Variants in SPIRE1 observed in about 807,000 individuals in gnomAD.
SPIRE1 encodes protein spire homolog 1.
SPIRE1 carries 40 observed loss-of-function variants against 94.1 expected under a neutral mutation model. That is an observed-to-expected ratio of 0.43 (90% confidence interval 0.33 to 0.55). The LOEUF (loss-of-function observed/expected upper bound fraction) is 0.55. Ranked by LOEUF, SPIRE1 falls within the 20% of genes least tolerant of loss-of-function variation. SPIRE1 has a pLI of 0.06. For synonymous variants in SPIRE1, 376 were observed against 371.7 expected (o/e 1.01, Z -0.13); for missense variants, 838 against 975.2 (o/e 0.86, Z 1.87).
chr18:12,499,058 T>C (rs2033564939), intron 6 of SPIRE1, among the ~76,000 whole-genome samples: 4 of 152,328 alleles, frequency 2.6e-5, no homozygotes, highest in African/African-American at 9.6e-5. Context: ...AGCCACTGTG[T>C]CTGGCCTTTT....
intron 4 of SPIRE1, among the ~76,000 whole-genome samples, chr18:12,519,690 ATTC>A (rs1386288334): frequency 1.3e-5 from 2 of 152,260 alleles, no homozygotes; most frequent in South Asian, 2.1e-4. Flanking sequence ...TTGACAAATG[ATTC>A]TTAAGTACAT....
chr18:12,577,232 C>T (rs866412499), intron 2 of SPIRE1, among the ~76,000 whole-genome samples: 2 of 141,420 alleles, frequency 1.4e-5, no homozygotes, highest in Non-Finnish European at 1.6e-5. Flanking sequence ...ACTGCAAGCT[C>T]CGCCTCCCAG....
chr18:12,472,367 C>CTTTTTTTT lies in SPIRE1; in HGVS notation c.1404+7324_1404+7331dup, dbSNP rs964687204. On this transcript the variant is annotated intron_variant, in intron 10 of 16. Coordinates refer to ENST00000409402, the MANE Select transcript of SPIRE1 (RefSeq NM_001128626.2). ...CATTATAGCGACACCATGCCCTGTG[C>CTTTTTTTT]TTTTTTTTTTTTTTTTTTGAGACAG... Among the ~76,000 whole-genome samples the CTTTTTTTT allele has an allele frequency of 2.2e-5, 3 of 135,026 alleles. 1 individual carries two copies. Among genetic ancestry groups the CTTTTTTTT allele is most frequent in the African/African-American group, 8.2e-5 (3 of 36,746 alleles). The allele number at this position is 135,026 out of a possible 152,430, so 88.6% of individuals were successfully genotyped here. A position where few individuals can be genotyped will look rare whatever the true frequency, so the allele number is the denominator to read the frequency against.
intron 1 of SPIRE1, among the ~76,000 whole-genome samples, chr18:12,644,958 G>A (rs952925134): frequency 2.0e-5 from 3 of 152,032 alleles, no homozygotes; most frequent in African/African-American, 7.2e-5. Context: ...GAAAGAGAGC[G>A]GCCGGGCACC....
intron 10 of SPIRE1, among the ~76,000 whole-genome samples, chr18:12,475,739 C>T (rs1598908236): frequency 6.6e-6 from 1 of 152,146 alleles, no homozygotes; most frequent in African/African-American, 2.4e-5. Flanking sequence ...ACATCTTTTC[C>T]AGTTTCATGC....
intron 2 of SPIRE1, among the ~76,000 whole-genome samples, chr18:12,574,352 G>C (rs1007802518): frequency 1.3e-5 from 2 of 152,204 alleles, no homozygotes; most frequent in African/African-American, 4.8e-5. Flanking sequence ...CTGCAGTAGA[G>C]TCAAATCTAG....
At chr18:12,621,666 T>C (rs930175249) in intron 2 of SPIRE1, among the ~76,000 whole-genome samples, 2 of 152,176 alleles carry the variant, frequency 1.3e-5, no homozygotes, top group African/African-American at 4.8e-5. Context: ...GGCAAATCTA[T>C]ACATATAGAA....
chr18:12,507,928 T>C (rs961244176), intron 5 of SPIRE1, among the ~76,000 whole-genome samples: 5 of 151,840 alleles, frequency 3.3e-5, no homozygotes, highest in Non-Finnish European at 5.9e-5. Flanking sequence ...GGACAGACCA[T>C]GAGGTCAGAA....
chr18:12,507,572 G>A (rs976444976), intron 5 of SPIRE1, among the ~76,000 whole-genome samples: 2 of 151,806 alleles, frequency 1.3e-5, no homozygotes, highest in Non-Finnish European at 2.9e-5. Context: ...GGTGGTGTGC[G>A]CCTGTAATTG....
At chr18:12,585,007 T>G (rs1217230951) in intron 2 of SPIRE1, among the ~76,000 whole-genome samples, 1 of 152,152 alleles carries the variant, frequency 6.6e-6, no homozygotes, top group Non-Finnish European at 1.5e-5. Flanking sequence ...GGTTTCACCA[T>G]GCTGTTCAGG....
intron 12 of SPIRE1, chr18:12,459,721 G>A: frequency 1.0e-6 from 1 of 982,694 alleles, no homozygotes; most frequent in Non-Finnish European, 1.2e-6. Flanking sequence ...TACAGAGAAT[G>A]AAATAATCCC....
At chr18:12,459,841 G>C (rs2031697414) in intron 12 of SPIRE1, 1 of 985,858 alleles carries the variant, frequency 1.0e-6, no homozygotes, top group Non-Finnish European at 1.2e-6. Flanking sequence ...GCTTCAAAAG[G>C]ATGAGAGCTG....
intron 2 of SPIRE1, among the ~76,000 whole-genome samples, chr18:12,588,028 C>T (rs1328115033): frequency 6.6e-6 from 1 of 152,176 alleles, no homozygotes; most frequent in Non-Finnish European, 1.5e-5. Context: ...AACCACTAAT[C>T]TACTTCCTAG....
intron 1 of SPIRE1, among the ~76,000 whole-genome samples, chr18:12,647,879 G>A (rs2038265566): frequency 6.6e-6 from 1 of 152,172 alleles, no homozygotes; most frequent in African/African-American, 2.4e-5. Flanking sequence ...CTCTAGGGCT[G>A]GGGCAGGAAA....
chr18:12,641,832 CTTTTT>C (rs576748359), intron 1 of SPIRE1, among the ~76,000 whole-genome samples: 2 of 125,132 alleles, frequency 1.6e-5, no homozygotes. Flanking sequence ...GAATGTTATG[CTTTTT>C]TTTTTTTTTT....
intron 2 of SPIRE1, among the ~76,000 whole-genome samples, chr18:12,599,083 C>T (rs1413692097): frequency 6.6e-6 from 1 of 152,010 alleles, no homozygotes; most frequent in Non-Finnish European, 1.5e-5. Flanking sequence ...ATCTCTTCTC[C>T]AAATATCTAC....
At chr18:12,465,107 G>C in intron 10 of SPIRE1, 149 bp from the exon 11 acceptor site, 1 of 658,312 alleles carries the variant, frequency 1.5e-6, no homozygotes, top group Non-Finnish European at 2.6e-6. Context: ...ACTAGAAGGG[G>C]TTTCAAACAA....
intron 3 of SPIRE1, among the ~76,000 whole-genome samples, chr18:12,543,786 C>A (rs1164933645): frequency 6.6e-6 from 1 of 152,188 alleles, no homozygotes; most frequent in African/African-American, 2.4e-5. Flanking sequence ...CTTAGTTTCA[C>A]ATTTCTACTT....
At chr18:12,643,194 A>G (rs1592643) in intron 1 of SPIRE1, among the ~76,000 whole-genome samples, 69,389 of 152,090 alleles carry the variant, frequency 0.46, 16,402 homozygotes, top group Middle Eastern at 0.54. Context: ...CTCCTGTGTT[A>G]GAAGACAAGG....
Sources: allele counts gnomAD v4.1 joint callset (sites outside exome capture counted in the v4.1 genomes callset), GRCh38; gene constraint gnomAD v4.1.1; transcripts MANE v1.5; gene names NCBI Gene and HGNC (gene_info 2026-07-23, HGNC 2026-07-21).